Variants in PRKCA observed in about 807,000 individuals in gnomAD.
PRKCA encodes protein kinase C alpha type.
In PRKCA, 27 loss-of-function variants were observed where a neutral mutation model predicts 87.0. The ratio of observed to expected loss-of-function variants is 0.31; its 90% confidence interval spans 0.23 to 0.43. PRKCA has a LOEUF of 0.43. Ranked by LOEUF, PRKCA falls within the 20% of genes least tolerant of loss-of-function variation. The probability of loss-of-function intolerance (pLI) is 1.00; values close to 1 mark genes in which losing one functional copy is unlikely to be tolerated. For synonymous variants in PRKCA, 329 were observed against 311.1 expected, an observed-to-expected ratio of 1.06 and a Z score of -0.61; for missense variants, 518 against 852.3, an observed-to-expected ratio of 0.61 and a Z score of 4.88.
At chr17:66,405,027 GGTGTGA>G (rs1238495908) in intron 2 of PRKCA, among the ~76,000 whole-genome samples, 1 of 152,084 alleles carries the variant, frequency 6.6e-6, no homozygotes, top group Non-Finnish European at 1.5e-5. Flanking sequence ...TGGGATTACA[GGTGTGA>G]GCCACTGCGC....
chr17:66,393,716 C>T (rs1910501974), intron 2 of PRKCA, among the ~76,000 whole-genome samples: 1 of 151,942 alleles, frequency 6.6e-6, no homozygotes, highest in South Asian at 2.1e-4. Flanking sequence ...ACCCTCTGGA[C>T]AGGGGTGTCT....
chr17:66,719,108 C>T (rs932022507), intron 8 of PRKCA, among the ~76,000 whole-genome samples: 1 of 152,170 alleles, frequency 6.6e-6, no homozygotes. Flanking sequence ...AGGAATCTAT[C>T]CTGGGGACTT....
intron 13 of PRKCA, among the ~76,000 whole-genome samples, chr17:66,764,259 T>C (rs1170218285): frequency 6.6e-6 from 1 of 152,222 alleles, no homozygotes; most frequent in African/African-American, 2.4e-5. Context: ...ATATTGCCAG[T>C]GGCATCTAAA....
chr17:66,757,849 C>T (rs912033207), intron 13 of PRKCA, among the ~76,000 whole-genome samples: 1 of 152,150 alleles, frequency 6.6e-6, no homozygotes, highest in African/African-American at 2.4e-5. Flanking sequence ...CTCAGCCTCT[C>T]GAGTAGCTGG....
chr17:66,658,433 G>A (rs750138180), intron 5 of PRKCA, among the ~76,000 whole-genome samples: 1 of 152,164 alleles, frequency 6.6e-6, no homozygotes, highest in Non-Finnish European at 1.5e-5. Context: ...GTTGCAGTGA[G>A]CTGAGATGGC....
chr17:66,588,899 C>T (rs1969707340), intron 3 of PRKCA, among the ~76,000 whole-genome samples: 1 of 151,924 alleles, frequency 6.6e-6, no homozygotes, highest in African/African-American at 2.4e-5. Context: ...TCTCAGTCTC[C>T]CAAAGTGCTA....
At chr17:66,706,563 G>A (rs1039135326) in intron 8 of PRKCA, among the ~76,000 whole-genome samples, 9 of 151,894 alleles carry the variant, frequency 5.9e-5, no homozygotes, top group South Asian at 2.1e-4. Flanking sequence ...GCATGAACCC[G>A]GGAGGCGGAG....
At chr17:66,498,001 G>A (rs1916555368) in intron 3 of PRKCA, among the ~76,000 whole-genome samples, 1 of 152,068 alleles carries the variant, frequency 6.6e-6, no homozygotes, top group African/African-American at 2.4e-5. Context: ...ACAGGACATG[G>A]GAGCCAGAGG....
intron 8 of PRKCA, among the ~76,000 whole-genome samples, chr17:66,690,993 G>C (rs1482331248): frequency 1.3e-5 from 2 of 151,716 alleles, no homozygotes; most frequent in Non-Finnish European, 2.9e-5. Flanking sequence ...AAAATAGCAG[G>C]GTGTGGTGGC....
intron 2 of PRKCA, among the ~76,000 whole-genome samples, chr17:66,312,732 CTT>C (rs536411779): frequency 2.8e-4 from 30 of 106,352 alleles, no homozygotes; most frequent in Admixed American, 2.0e-3. Context: ...ATCGTAGGAC[CTT>C]TTTTTTTTTT....
At chr17:66,657,201 A>G (rs1441189658) in intron 5 of PRKCA, among the ~76,000 whole-genome samples, 1 of 152,250 alleles carries the variant, frequency 6.6e-6, no homozygotes, top group African/African-American at 2.4e-5. Flanking sequence ...GGGACTTTTT[A>G]TACTGAGAAT....
chr17:66,549,948 C>T (rs568241432), intron 3 of PRKCA, among the ~76,000 whole-genome samples: 2 of 152,192 alleles, frequency 1.3e-5, no homozygotes, highest in Admixed American at 1.3e-4. Context: ...CGTCACACAC[C>T]ACTACCTCCT....
intron 3 of PRKCA, among the ~76,000 whole-genome samples, chr17:66,562,155 T>TATATATATAATTAA (rs1420942369): frequency 8.7e-5 from 3 of 34,320 alleles, no homozygotes; most frequent in African/African-American, 5.6e-4. Flanking sequence ...ATAATTAAAT[T>TATATATATAATTAA]ATATATATAA....
chr17:66,560,480 G>A (rs1968644246), intron 3 of PRKCA, among the ~76,000 whole-genome samples: 1 of 152,070 alleles, frequency 6.6e-6, no homozygotes, highest in East Asian at 1.9e-4. Context: ...TTTTGCTAAG[G>A]GGTTATTCCG....
chr17:66,333,236 G>A (rs1332008557), intron 2 of PRKCA, among the ~76,000 whole-genome samples: 1 of 152,146 alleles, frequency 6.6e-6, no homozygotes, highest in Non-Finnish European at 1.5e-5. Flanking sequence ...AGTATATGAA[G>A]CAGAGACTGG....
intron 3 of PRKCA, among the ~76,000 whole-genome samples, chr17:66,504,747 T>G (rs1916895529): frequency 6.6e-6 from 1 of 152,228 alleles, no homozygotes; most frequent in African/African-American, 2.4e-5. Flanking sequence ...AAGATGTATT[T>G]CAATTCTTTT....
At chr17:66,421,428 G>GTTTTT (rs55825622) in intron 2 of PRKCA, among the ~76,000 whole-genome samples, 37 of 116,896 alleles carry the variant, frequency 3.2e-4, no homozygotes, top group African/African-American at 8.8e-4. Flanking sequence ...CACAGCCTCT[G>GTTTTT]TTTTTTTTTT....
intron 14 of PRKCA, among the ~76,000 whole-genome samples, chr17:66,781,905 TGTGTGTGTGTGTGAGTGA>T (rs1377736072): frequency 6.7e-6 from 1 of 150,328 alleles, no homozygotes; most frequent in African/African-American, 2.5e-5. Context: ...TGTGTGTGTG[TGTGTGTGTGTGTGAGTGA>T]GTGTGAGTGT....
rs973314037 is a variant in PRKCA, at chr17:66,685,026, C to T, written c.530-2085C>T. Among the ~76,000 whole-genome samples the T allele has an allele frequency of 1.6e-4, 25 of 152,268 alleles. No individual in the cohort carries two copies. In the East Asian group the frequency reaches 4.8e-3, roughly 29 times the overall value. Reference sequence around the variant, plus strand: ...CTAGACTTTCTGCATTGGATTAAAACCTTTCACATGAGCTTGGTGAATTCT... The same window carrying T: ...CTAGACTTTCTGCATTGGATTAAAATCTTTCACATGAGCTTGGTGAATTCT... On this transcript the variant is annotated intron_variant, in intron 5 of 16. Transcript: ENST00000413366.
Sources: gnomAD v4.1 joint callset for allele counts (sites outside exome capture counted in the v4.1 genomes callset) on GRCh38, gnomAD v4.1.1 for gene constraint, MANE v1.5 for transcripts, NCBI Gene and HGNC (gene_info 2026-07-23, HGNC 2026-07-21) for gene names.